The following CEP85 variants were observed in gnomAD, a reference collection of about 807,000 sequenced individuals.
CEP85 encodes centrosomal protein 85, also known as centrosomal protein of 85 kDa.
Under a neutral mutation model 93.7 loss-of-function variants are expected in CEP85, and 58 were observed. The observed-to-expected ratio is 0.62, with a 90% CI of 0.50 to 0.77. The LOEUF is 0.77. CEP85 is among the 30% of genes least tolerant of loss of function. CEP85 has a pLI of 0.00. For missense variants in CEP85, 868 were observed against 922.0 expected, an observed-to-expected ratio of 0.94 and a Z score of 0.76; for synonymous variants, 314 against 338.6, an observed-to-expected ratio of 0.93 and a Z score of 0.80.
intron 2 of CEP85, among the ~76,000 whole-genome samples, chr1:26,241,132 T>C (rs2089416551): frequency 6.6e-6 from 1 of 152,160 alleles, no homozygotes; most frequent in Non-Finnish European, 1.5e-5. Context: ...AGTGCCTTAC[T>C]CAGCGTAGAT....
chr1:26,244,327 G>T lies in CEP85; in HGVS notation c.208+9G>T. On this transcript the variant is annotated intron_variant, in intron 3 of 13. Coordinates refer to ENST00000451429, the MANE Select transcript of CEP85 (RefSeq NM_001319944.2). ...CTCAGATATTGCGGAGGGTAAGTTT[G>T]TATTAATGATTTGATTACCAATATG... 6.2e-7 allele frequency: 1 copy of T among 1,610,230 alleles called. No homozygotes were observed. The highest frequency in any genetic ancestry group is 1.1e-5 in the South Asian group (1 of 90,702).
intron 2 of CEP85, among the ~76,000 whole-genome samples, chr1:26,240,208 T>C (rs1485081479): frequency 1.3e-5 from 2 of 152,204 alleles, no homozygotes; most frequent in Non-Finnish European, 2.9e-5. Context: ...GGAATTCTGC[T>C]TGGATGCCAA....
chr1:26,272,790 G>A (rs571853760), intron 11 of CEP85, among the ~76,000 whole-genome samples: 28 of 151,920 alleles, frequency 1.8e-4, no homozygotes, highest in Admixed American at 8.5e-4. Context: ...CATCACGCCC[G>A]GCTAATTTTT....
At position 26,272,042 on chromosome 1, in the gene CEP85, A is replaced by C; in HGVS notation, c.1765A>C (p.Lys589Gln). The C allele has an allele frequency of 4.3e-6, 7 of 1,614,160 alleles. No homozygotes were observed. Among genetic ancestry groups the C allele is most frequent in the East Asian group, 2.2e-5 (1 of 44,892 alleles). The change falls in exon 11 of 14, where the codon AAG becomes CAG. Residue 589 changes from lysine to glutamine, a missense_variant. By Grantham distance (53) the Lys-to-Gln change is moderately conservative. Transcript: ENST00000451429. ...TCAGATTGTGGAGAAGCAGCAGCAGAAGATGGATCAGTTGCGCTCACAAGT... is the reference window on the plus strand; with the variant it reads ...TCAGATTGTGGAGAAGCAGCAGCAGCAGATGGATCAGTTGCGCTCACAAGT... ...LQKIVEKQQQKMDQLRSQVQS... is the reference protein window; with the variant it reads ...LQKIVEKQQQQMDQLRSQVQS...
Position 26,244,279 on chromosome 1 carries a change from G to A in CEP85, c.169G>A (p.Asp57Asn). 6.2e-7 allele frequency: 1 copy of A among 1,614,076 alleles called. No individual in the cohort carries two copies. The highest frequency in any genetic ancestry group is 8.5e-7 in the Non-Finnish European group (1 of 1,180,008). ...SRCSSVADSGDTAIGTSCSDI... is the reference protein window; with the variant it reads ...SRCSSVADSGNTAIGTSCSDI... ...CTGTTCAAGTGTAGCCGACAGTGGG[G>A]ACACAGCCATTGGTACATCATGCTC... is the stretch of plus-strand genomic sequence containing the variant. The change falls in exon 3 of 14, where the codon GAC (aspartate) becomes AAC (asparagine). Residue 57 changes from aspartate to asparagine, a missense_variant. By Grantham distance (23) the Asp-to-Asn change is conservative (BLOSUM62 1). Transcript: ENST00000451429.
At chr1:26,235,755 A>G (rs2089317360) in intron 1 of CEP85, among the ~76,000 whole-genome samples, 1 of 151,906 alleles carries the variant, frequency 6.6e-6, no homozygotes, top group Non-Finnish European at 1.5e-5. Context: ...TATTTTTAGT[A>G]GAGACGGCGT....
chr1:26,241,185 G>A (rs1272523231), intron 2 of CEP85, among the ~76,000 whole-genome samples: 1 of 151,334 alleles, frequency 6.6e-6, no homozygotes, highest in Non-Finnish European at 1.5e-5. Flanking sequence ...ATGCTGCCTT[G>A]CATAGAGTAG....
At chr1:26,271,849 C>T (rs1297916038) in intron 10 of CEP85, 172 bp from the exon 11 acceptor site, 6 of 623,214 alleles carry the variant, frequency 9.6e-6, no homozygotes, top group Non-Finnish European at 1.5e-5. Context: ...GCTAGTTAGC[C>T]AGGATTAGGA....
chr1:26,258,677 A>G (rs894498675), intron 6 of CEP85, among the ~76,000 whole-genome samples: 2 of 149,692 alleles, frequency 1.3e-5, no homozygotes, highest in African/African-American at 4.9e-5. Context: ...GCTCACTGCA[A>G]CCTCCGCCTC....
At chr1:26,257,564 G>T in intron 4 of CEP85, 33 bp from the exon 5 acceptor site, 4 of 1,612,566 alleles carry the variant, frequency 2.5e-6, no homozygotes, top group Non-Finnish European at 3.4e-6. Flanking sequence ...TATGGGTCAA[G>T]ATCAAGCTCA....
intron 9 of CEP85, among the ~76,000 whole-genome samples, chr1:26,270,011 C>T (rs1194678395): frequency 1.3e-5 from 2 of 151,890 alleles, no homozygotes; most frequent in East Asian, 1.9e-4. Context: ...CTCCTGACCT[C>T]GTGATCCACC....
chr1:26,270,178 AGTAT>A (rs1053831991), intron 9 of CEP85, among the ~76,000 whole-genome samples: 1 of 152,122 alleles, frequency 6.6e-6, no homozygotes, highest in Non-Finnish European at 1.5e-5. Context: ...CATAATTCTT[AGTAT>A]GTATGTGTTG....
At chr1:26,253,898 G>A (rs1166071574) in intron 3 of CEP85, among the ~76,000 whole-genome samples, 1 of 151,894 alleles carries the variant, frequency 6.6e-6, no homozygotes, top group Non-Finnish European at 1.5e-5. Context: ...AAAAACTGAG[G>A]TGGGAAGATC....
intron 12 of CEP85, among the ~76,000 whole-genome samples, chr1:26,275,532 G>A (rs996487150): frequency 1.2e-4 from 19 of 152,156 alleles, no homozygotes; most frequent in African/African-American, 4.6e-4. Context: ...GCCCACTTTG[G>A]CCTCCCAAAG....
chr1:26,238,202 C>CTTTTTTTTTTT lies in CEP85; in HGVS notation c.-22-1554_-22-1544dup, dbSNP rs67466493. 7.8e-4 allele frequency among the ~76,000 whole-genome samples: 69 copies of CTTTTTTTTTTT among 88,294 alleles called. 10 individuals are homozygous for CTTTTTTTTTTT. The highest frequency in any genetic ancestry group is 1.0e-3 in the African/African-American group (23 of 22,156). 57.9% of individuals were successfully genotyped at this position (88,294 alleles called of 152,430 possible). On this transcript the variant is annotated intron_variant, in intron 1 of 13. Transcript: ENST00000451429. ...TATGTTCTGTGAATTGTCCCAAACTCTTTTTTTTTTTTTTTTGAGACGGAG... is the reference window on the plus strand; with the variant it reads ...TATGTTCTGTGAATTGTCCCAAACTCTTTTTTTTTTTTTTTTTTTTTTTTTTTGAGACGGAG...
Position 26,271,066 on chromosome 1 carries a change from G to T in CEP85, c.1702G>T (p.Glu568Ter). The change falls in exon 10 of 14, where the codon GAA (glutamate) becomes TAA (stop). Residue 568 changes from glutamate to a stop codon, truncating the protein, a stop_gained. Transcript: ENST00000451429. LOFTEE classifies it high-confidence loss of function. Reference protein sequence around the residue: ...EETSGEGPEVEMESWQKRYDS... With the variant: ...EETSGEGPEV Reference sequence around the variant, plus strand: ...GACCAGTGGAGAAGGTCCAGAAGTGGAAATGGAGTCCTGGCAGAAGCGATA... The same window carrying T: ...GACCAGTGGAGAAGGTCCAGAAGTGTAAATGGAGTCCTGGCAGAAGCGATA... The T allele has an allele frequency of 6.2e-7, 1 of 1,613,776 alleles. No homozygotes were observed. Among genetic ancestry groups the T allele is most frequent in the Non-Finnish European group, 8.5e-7 (1 of 1,179,674 alleles).
At chr1:26,275,464 T>A (rs187110197) in intron 12 of CEP85, among the ~76,000 whole-genome samples, 255 of 152,084 alleles carry the variant, frequency 1.7e-3, no homozygotes, top group African/African-American at 5.8e-3. Context: ...GTATTTTAGT[T>A]GAGGTGGGGT....
In CEP85 at chr1:26,258,268, T is replaced by C; in HGVS notation, c.1155+8T>C. The C allele has an allele frequency of 6.3e-7, 1 of 1,578,380 alleles. No homozygotes were observed. Among genetic ancestry groups the C allele is most frequent in the Non-Finnish European group, 8.7e-7 (1 of 1,147,554 alleles). Reference sequence around the variant, plus strand: ...TGCTTGCTGAGGCTACAGGTAAGTATTGGCCATCAGGATGGCATTCTGTTT... The same window carrying C: ...TGCTTGCTGAGGCTACAGGTAAGTACTGGCCATCAGGATGGCATTCTGTTT... On this transcript the variant is annotated splice_region_variant and intron_variant, in intron 6 of 13. Transcript: ENST00000451429.
At chr1:26,276,943 C>CT (rs1452705022) in intron 13 of CEP85, among the ~76,000 whole-genome samples, 183 bp downstream of exon 13, 60 of 152,344 alleles carry the variant, frequency 3.9e-4, no homozygotes, top group African/African-American at 1.4e-3. Context: ...TGGAAACAAG[C>CT]TATGGGGTAC....
Sources: gnomAD v4.1 joint callset for allele counts (sites outside exome capture counted in the v4.1 genomes callset) on GRCh38, gnomAD v4.1.1 for gene constraint, MANE v1.5 for transcripts, NCBI Gene and HGNC (gene_info 2026-07-23, HGNC 2026-07-21) for gene names.